TNNI3K: variants seen among roughly 807,000 people sequenced by gnomAD.
TNNI3K encodes the protein TNNI3 interacting kinase, also known as serine/threonine-protein kinase TNNI3K.
TNNI3K carries 140 observed loss-of-function variants against 114.5 expected under a neutral mutation model. That is an observed-to-expected ratio of 1.22 (90% CI 1.07 to 1.41). The LOEUF (loss-of-function observed/expected upper bound fraction) is 1.41. Ranked by LOEUF, TNNI3K falls within the 40% of genes most tolerant of loss-of-function variation. The pLI is 0.00. For synonymous variants in TNNI3K, 347 were observed against 347.5 expected (o/e 1.00, Z 0.02); for missense variants, 1,125 against 1,007.6 (o/e 1.12, Z -1.58).
In TNNI3K at chr1:74,430,247, T is replaced by G. The variant is rs188606041; in HGVS notation, c.1773-5833T>G. The stretch of plus-strand genomic sequence containing the variant: ...GGACTACAGTGCATAACCAACTGAT[T>G]ATGAATCATTCGAGCACTTTAGGTA... On this transcript the variant is annotated intron_variant, in intron 17 of 24. Transcript: ENST00000326637. Among the ~76,000 whole-genome samples, 15 of 152,186 alleles carry G rather than the reference T, an allele frequency of 9.9e-5. No homozygotes were observed. The East Asian group carries it at 2.5e-3, about 26-fold the overall frequency.
At chr1:74,451,688 T>TTTTCTTTTCTTTCC in intron 20 of TNNI3K, among the ~76,000 whole-genome samples, 1 of 34,322 alleles carries the variant, frequency 2.9e-5, no homozygotes, top group Non-Finnish European at 7.2e-5. Context: ...TTTTCTTTTC[T>TTTTCTTTTCTTTCC]TTCTTTCTTT....
At chr1:74,374,161 A>G (rs1213077918) in intron 17 of TNNI3K, 1 of 151,910 alleles carries the variant, frequency 6.6e-6, no homozygotes, top group East Asian at 1.9e-4. Context: ...CTTTAAAAAA[A>G]TTTTTTGATC....
At chr1:74,357,450 C>A (rs1446025122) in intron 11 of TNNI3K, among the ~76,000 whole-genome samples, 2 of 152,100 alleles carry the variant, frequency 1.3e-5, no homozygotes, top group Admixed American at 1.3e-4. Flanking sequence ...TTCACCTGAC[C>A]CAAGCTAAAT....
chr1:74,378,642 T>G (rs1553138864), intron 17 of TNNI3K: 1 of 81,074 alleles, frequency 1.2e-5, no homozygotes, highest in Non-Finnish European at 2.7e-5. Context: ...ATATATATAT[T>G]TCATTTCATC....
chr1:74,242,070 C>T (rs985313150), intron 2 of TNNI3K, among the ~76,000 whole-genome samples: 3 of 151,894 alleles, frequency 2.0e-5, no homozygotes, highest in African/African-American at 7.3e-5. Context: ...AGGATGGTCT[C>T]GATCTCCTGA....
At chr1:74,525,656 G>T (rs1646494639) in intron 23 of TNNI3K, among the ~76,000 whole-genome samples, 1 of 152,164 alleles carries the variant, frequency 6.6e-6, no homozygotes, top group African/African-American at 2.4e-5. Flanking sequence ...CTTCTGGTGT[G>T]CCACATATCA....
intron 20 of TNNI3K, among the ~76,000 whole-genome samples, chr1:74,447,106 C>T (rs1666732507): frequency 6.6e-6 from 1 of 151,288 alleles, no homozygotes; most frequent in African/African-American, 2.4e-5. Context: ...ATGGGAATGG[C>T]ATTGAATCTG....
At chr1:74,511,100 C>A (rs965349849) in intron 23 of TNNI3K, among the ~76,000 whole-genome samples, 4 of 152,122 alleles carry the variant, frequency 2.6e-5, no homozygotes, top group Non-Finnish European at 5.9e-5. Context: ...GTTGGCCAGG[C>A]TGGTCTGGAA....
intron 5 of TNNI3K, among the ~76,000 whole-genome samples, chr1:74,276,773 C>T (rs1656712020): frequency 6.6e-6 from 1 of 152,142 alleles, no homozygotes; most frequent in East Asian, 1.9e-4. Flanking sequence ...GTTTGTCCTC[C>T]CATAATTGTG....
intron 17 of TNNI3K, chr1:74,418,457 T>C (rs1303702711): frequency 6.4e-6 from 1 of 157,054 alleles, no homozygotes; most frequent in African/African-American, 2.4e-5. Context: ...GTAGTAATTT[T>C]AATCTTCAAA....
chr1:74,456,349 G>A (rs1361412345), intron 20 of TNNI3K, among the ~76,000 whole-genome samples: 2 of 152,080 alleles, frequency 1.3e-5, no homozygotes, highest in Admixed American at 6.6e-5. Flanking sequence ...AGGAGGAGAA[G>A]GAGCCAAGGT....
In TNNI3K at chr1:74,460,313, G is replaced by A. The variant is rs190680282; in HGVS notation, c.2012-3128G>A. 1.3e-4 allele frequency among the ~76,000 whole-genome samples: 20 copies of A among 151,764 alleles called. No individual in the cohort carries two copies. In the East Asian group the frequency reaches 1.5e-3, roughly 12 times the overall value. On this transcript the variant is annotated intron_variant, in intron 20 of 24. Coordinates refer to ENST00000326637, the MANE Select transcript of TNNI3K (RefSeq NM_015978.3). ...CAATCTCCTGACCTCGTGATCTGCC[G>A]CCTCGGCCTCCCAAAGTGCTGGGAT...
intron 23 of TNNI3K, among the ~76,000 whole-genome samples, chr1:74,523,040 T>C (rs1048947132): frequency 1.3e-4 from 20 of 152,154 alleles, no homozygotes; most frequent in African/African-American, 4.3e-4. Context: ...AATACAGCCA[T>C]GTTGTGGAGC....
intron 23 of TNNI3K, among the ~76,000 whole-genome samples, chr1:74,531,755 A>G (rs1465077360): frequency 6.6e-6 from 1 of 152,206 alleles, no homozygotes; most frequent in Non-Finnish European, 1.5e-5. Flanking sequence ...TTTCCTTTTG[A>G]GTATAAGAGA....
chr1:74,418,347 C>G (rs181480309), intron 17 of TNNI3K: 1 of 186,478 alleles, frequency 5.4e-6, no homozygotes. Context: ...GAGAAATAAA[C>G]TCTTAGTTTA....
At chr1:74,518,177 G>C (rs756384246) in intron 23 of TNNI3K, among the ~76,000 whole-genome samples, 4 of 152,144 alleles carry the variant, frequency 2.6e-5, no homozygotes, top group Non-Finnish European at 5.9e-5. Context: ...TTGGCCCAGT[G>C]GAGTAGATGG....
intron 11 of TNNI3K, among the ~76,000 whole-genome samples, chr1:74,360,936 G>T (rs982642275): frequency 5.9e-5 from 9 of 152,002 alleles, no homozygotes; most frequent in African/African-American, 2.2e-4. Context: ...TTTGAATTCA[G>T]TGGATGACTC....
intron 23 of TNNI3K, among the ~76,000 whole-genome samples, chr1:74,538,343 G>A (rs982069140): frequency 6.6e-6 from 1 of 151,950 alleles, no homozygotes; most frequent in Non-Finnish European, 1.5e-5. Context: ...CCCTTTGGGG[G>A]GAGTATTGAA....
intron 9 of TNNI3K, among the ~76,000 whole-genome samples, chr1:74,343,719 G>A (rs1026324681): frequency 2.6e-5 from 4 of 152,254 alleles, no homozygotes; most frequent in African/African-American, 7.2e-5. Context: ...CTAGGAATTC[G>A]TGAGAGCCCT....
Sources: gnomAD v4.1 joint callset for allele counts (sites outside exome capture counted in the v4.1 genomes callset) on GRCh38, gnomAD v4.1.1 for gene constraint, MANE v1.5 for transcripts, NCBI Gene and HGNC (gene_info 2026-07-23, HGNC 2026-07-21) for gene names.